Variants in TTYH3 observed in about 807,000 individuals in gnomAD.
TTYH3 encodes tweety family member 3.
In TTYH3, 23 loss-of-function variants were observed where a neutral mutation model predicts 68.2. The observed-to-expected ratio is 0.34, with a 90% CI of 0.24 to 0.48. The LOEUF (loss-of-function observed/expected upper bound fraction) is 0.48. TTYH3 is among the 20% of genes least tolerant of loss of function. The pLI is 0.99. For synonymous variants in TTYH3, 360 were observed against 332.8 expected (o/e 1.08, Z -0.89); for missense variants, 768 against 727.7 (o/e 1.06, Z -0.64).
chr7:2,660,526 G>A, intron 13 of TTYH3: 1 of 985,298 alleles, frequency 1.0e-6, no homozygotes, highest in Non-Finnish European at 1.2e-6. Flanking sequence ...GCTCCTTCAG[G>A]GGTCTGCGCG....
At chr7:2,638,408 G>A (rs912555421) in intron 1 of TTYH3, among the ~76,000 whole-genome samples, 1 of 152,130 alleles carries the variant, frequency 6.6e-6, no homozygotes, top group Non-Finnish European at 1.5e-5. Context: ...GCTACAGGGT[G>A]CAGGAAAGGG....
Position 2,658,444 on chromosome 7 carries a change from C to A in TTYH3, c.1409C>A (p.Pro470Gln). 6.2e-7 allele frequency: 1 copy of A among 1,611,706 alleles called. No individual in the cohort carries two copies. Among genetic ancestry groups the A allele is most frequent in the Non-Finnish European group, 8.5e-7 (1 of 1,179,310 alleles). The change falls in exon 12 of 14, where the codon CCG becomes CAG. Residue 470 changes from proline (P) to glutamine (Q), a missense_variant. Coordinates refer to ENST00000258796, the MANE Select transcript of TTYH3 (RefSeq NM_025250.3). ...PAAAHTVSNA[P>Q]VTEYMSQNAN... ...GCGGCCCACACCGTCAGCAACGCCCCGGTCACTGAGTACATGTGAGTTGAC... is the reference window on the plus strand; with the variant it reads ...GCGGCCCACACCGTCAGCAACGCCCAGGTCACTGAGTACATGTGAGTTGAC...
At chr7:2,655,914 T>G (rs1288990217) in intron 9 of TTYH3, among the ~76,000 whole-genome samples, 178 bp from the exon 10 acceptor site, 2 of 152,126 alleles carry the variant, frequency 1.3e-5, no homozygotes. Context: ...GGGGTCACCA[T>G]TTCTCAAGGC....
At chr7:2,640,260 G>A (rs1006276948) in intron 1 of TTYH3, among the ~76,000 whole-genome samples, 2 of 152,236 alleles carry the variant, frequency 1.3e-5, no homozygotes, top group Non-Finnish European at 2.9e-5. Context: ...CCCCCAGTGG[G>A]CCAGGGCCTC....
intron 1 of TTYH3, among the ~76,000 whole-genome samples, chr7:2,644,642 C>T (rs1190478018): frequency 6.6e-6 from 1 of 152,196 alleles, no homozygotes; most frequent in Non-Finnish European, 1.5e-5. Context: ...GGCACTTGTG[C>T]ATGGCTGAAG....
chr7:2,663,430 G>C lies in TTYH3; in HGVS notation c.*1691G>C, dbSNP rs1327479541. On this transcript the variant is annotated 3_prime_UTR_variant, in exon 14 of 14. Coordinates refer to ENST00000258796, the MANE Select transcript of TTYH3 (RefSeq NM_025250.3). Reference sequence around the variant, plus strand: ...GGGACCAAAAAGGGGGAATATGGGAGGGCAGAGTGGGGAGGGGAGTCCATG... The same window carrying C: ...GGGACCAAAAAGGGGGAATATGGGACGGCAGAGTGGGGAGGGGAGTCCATG... 1 of 152,794 alleles carries C rather than the reference G, an allele frequency of 6.5e-6. No homozygotes were observed. 9.5% of individuals were successfully genotyped at this position (152,794 alleles called of 1,614,324 possible). A position where few individuals can be genotyped will look rare whatever the true frequency, so the allele number is the denominator to read the frequency against.
chr7:2,635,533 A>T (rs1014762622), intron 1 of TTYH3, among the ~76,000 whole-genome samples: 2 of 152,100 alleles, frequency 1.3e-5, no homozygotes, highest in Non-Finnish European at 2.9e-5. Flanking sequence ...ACAGCTACGG[A>T]CTGTGGTGGG....
intron 1 of TTYH3, among the ~76,000 whole-genome samples, chr7:2,637,262 G>A (rs1489740540): frequency 6.6e-6 from 1 of 152,104 alleles, no homozygotes; most frequent in Non-Finnish European, 1.5e-5. Flanking sequence ...TCTGACCCCC[G>A]GCCGGGGGCT....
At position 2,645,480 on chromosome 7, in the gene TTYH3, G is replaced by C. The variant is rs1283689087; in HGVS notation, c.124-1373G>C. ...GCATCAAATTAGCCACTTCCTGTGG[G>C]GGTCGCCTGGCCTCGGGACAGGGGA... On this transcript the variant is annotated intron_variant, in intron 1 of 13. Transcript: ENST00000258796. This position sits in a 1 kb window ranked among gnomAD's most constrained non-coding sequence, Gnocchi z 4.8. The C allele has an allele frequency of 5.5e-6, 1 of 182,328 alleles. No homozygotes were observed. Among genetic ancestry groups the C allele is most frequent in the Admixed American group, 5.7e-5 (1 of 17,500 alleles). The allele number at this position is 182,328 out of a possible 1,614,324, so 11.3% of individuals were successfully genotyped here. A position where few individuals can be genotyped will look rare whatever the true frequency, so the allele number is the denominator to read the frequency against.
At chr7:2,638,292 C>T (rs1024256048) in intron 1 of TTYH3, among the ~76,000 whole-genome samples, 6 of 151,124 alleles carry the variant, frequency 4.0e-5, no homozygotes, top group African/African-American at 9.7e-5. Flanking sequence ...GGAGATGTGT[C>T]GGAGCACGGG....
rs949136730 is a variant in TTYH3, at chr7:2,655,978, C to T, written c.1021-114C>T. On this transcript the variant is annotated intron_variant, in intron 9 of 13. Coordinates refer to ENST00000258796, the MANE Select transcript of TTYH3 (RefSeq NM_025250.3). ...TGAGACCCCAGGGTGGGGGGTATCT[C>T]AGTCGAAGATTATGGGCTGGAGGGA... 3 of 808,046 alleles carry T rather than the reference C, an allele frequency of 3.7e-6. No individual in the cohort carries two copies. The South Asian group carries it at 5.4e-5, about 14-fold the overall frequency. 50.1% of individuals were successfully genotyped at this position (808,046 alleles called of 1,614,324 possible).
At chr7:2,656,896 C>T (rs1236887854) in intron 11 of TTYH3, among the ~76,000 whole-genome samples, 2 of 152,232 alleles carry the variant, frequency 1.3e-5, no homozygotes, top group African/African-American at 4.8e-5. Context: ...CAGGTGTCCC[C>T]CACCATGGGG....
Position 2,647,746 on chromosome 7 carries a change from T to C in TTYH3, c.626+108T>C, listed in dbSNP as rs905222737. The stretch of plus-strand genomic sequence containing the variant: ...TACATGAGGCCTGATGGGCAGGGTG[T>C]GGCCCAGGGCCACTGGAGGTCACAG... On this transcript the variant is annotated intron_variant, in intron 4 of 13. Coordinates refer to ENST00000258796, the MANE Select transcript of TTYH3 (RefSeq NM_025250.3). The C allele has an allele frequency of 8.9e-5, 113 of 1,274,200 alleles. 1 individual carries two copies. The African/African-American group carries it at 1.4e-3, about 16-fold the overall frequency. 78.9% of individuals were successfully genotyped at this position (1,274,200 alleles called of 1,614,324 possible). A position where few individuals can be genotyped will look rare whatever the true frequency, so the allele number is the denominator to read the frequency against.
chr7:2,656,288 G>A (rs1269773646), intron 10 of TTYH3, 104 bp downstream of exon 10: 2 of 1,566,702 alleles, frequency 1.3e-6, no homozygotes, highest in African/African-American at 2.7e-5. Flanking sequence ...TGGGTCCTCA[G>A]CCCTGCCTCT....
intron 1 of TTYH3, among the ~76,000 whole-genome samples, chr7:2,639,113 C>G (rs994877967): frequency 5.9e-5 from 9 of 152,148 alleles, no homozygotes; most frequent in African/African-American, 1.9e-4. Flanking sequence ...ACCCCCAAAC[C>G]TTGTTGCTTC....
At chr7:2,649,807 A>C (rs1583568202) in intron 6 of TTYH3, 106 bp from the exon 7 acceptor site, 2 of 1,453,990 alleles carry the variant, frequency 1.4e-6, no homozygotes, top group East Asian at 2.3e-5. Context: ...TTCACAGTCC[A>C]CCCTCCTGAG....
intron 5 of TTYH3, among the ~76,000 whole-genome samples, chr7:2,649,031 G>C (rs1339100726): frequency 6.6e-6 from 1 of 150,490 alleles, no homozygotes; most frequent in Non-Finnish European, 1.5e-5. Context: ...GGGACTCGTG[G>C]TGGGGGCACC....
intron 8 of TTYH3, 29 bp from the exon 9 acceptor site, chr7:2,652,889 C>T (rs1218043103): frequency 2.6e-6 from 4 of 1,536,602 alleles, no homozygotes; most frequent in Admixed American, 2.0e-5. Context: ...CCAGCAGCGC[C>T]CATGGACTTG....
At chr7:2,633,587 G>C (rs980971015) in intron 1 of TTYH3, among the ~76,000 whole-genome samples, 2 of 152,234 alleles carry the variant, frequency 1.3e-5, no homozygotes, top group Non-Finnish European at 2.9e-5. Context: ...AGCCCTGGGG[G>C]ACCGTTCAGT....
Sources: gnomAD v4.1 joint callset for allele counts (sites outside exome capture counted in the v4.1 genomes callset) on GRCh38, gnomAD v4.1.1 for gene constraint, Gnocchi (gnomAD v3.1) non-coding constraint, MANE v1.5 for transcripts, NCBI Gene and HGNC (gene_info 2026-07-23, HGNC 2026-07-21) for gene names.